The following PTPRN2 variants were observed in gnomAD, a reference collection of about 807,000 sequenced individuals.
The protein encoded by PTPRN2 is receptor-type tyrosine-protein phosphatase N2.
In PTPRN2, 74 loss-of-function variants were observed where a neutral mutation model predicts 118.8. The observed-to-expected ratio is 0.62, with a 90% CI of 0.52 to 0.76. The LOEUF (loss-of-function observed/expected upper bound fraction) is 0.76. Ranked by LOEUF, PTPRN2 falls within the 30% of genes least tolerant of loss-of-function variation. The pLI, the probability that PTPRN2 is intolerant of heterozygous loss-of-function variation, is 0.00. For missense variants in PTPRN2, 1,481 were observed against 1,394.4 expected, an observed-to-expected ratio of 1.06 and a Z score of -0.99; for synonymous variants, 641 against 608.0, an observed-to-expected ratio of 1.05 and a Z score of -0.80.
In PTPRN2 at chr7:158,093,420, C is replaced by T. The variant is rs987761594; in HGVS notation, c.1644-12043G>A. Among the ~76,000 whole-genome samples, 2 of 152,302 alleles carry T rather than the reference C, an allele frequency of 1.3e-5. No individual in the cohort carries two copies. Among genetic ancestry groups the T allele is most frequent in the Non-Finnish European group, 2.9e-5 (2 of 68,036 alleles). On this transcript the variant is annotated intron_variant, in intron 10 of 22. Transcript: ENST00000389418. The surrounding 1 kb of genome is among the most constrained non-coding windows in gnomAD (Gnocchi z 4.4). ...TTTCCTGACTCTGTCGCTGGACCGA[C>T]CCCCACACTGTTTGTGCTTTTACTC...
chr7:158,379,652 G>A (rs1202980616), intron 2 of PTPRN2, among the ~76,000 whole-genome samples: 1 of 152,184 alleles, frequency 6.6e-6, no homozygotes, highest in East Asian at 1.9e-4. Flanking sequence ...CACAGGTGGG[G>A]CGGGGTTCCT....
intron 12 of PTPRN2, among the ~76,000 whole-genome samples, chr7:157,708,156 G>T (rs10256738): frequency 6.6e-6 from 1 of 152,168 alleles, no homozygotes; most frequent in African/African-American, 2.4e-5. Flanking sequence ...GCTTTGCCTC[G>T]GATGGGCACC....
At chr7:158,397,796 T>G (rs930892271) in intron 2 of PTPRN2, among the ~76,000 whole-genome samples, 1 of 151,818 alleles carries the variant, frequency 6.6e-6, no homozygotes, top group Non-Finnish European at 1.5e-5. Flanking sequence ...AGTATAACAG[T>G]GAATAAAAAC....
chr7:158,133,622 T>G (rs1039176589), intron 9 of PTPRN2, 55 bp downstream of exon 9: 1 of 1,511,082 alleles, frequency 6.6e-7, no homozygotes, highest in Non-Finnish European at 8.8e-7. Context: ...ACCTCCAGCC[T>G]GCTGGGACAA....
intron 11 of PTPRN2, among the ~76,000 whole-genome samples, chr7:158,011,142 T>C (rs1459087352): frequency 1.3e-5 from 2 of 152,202 alleles, no homozygotes; most frequent in Non-Finnish European, 2.9e-5. Context: ...ATCTCTGCGG[T>C]GATTTTACCC....
At chr7:158,049,793 C>T in intron 11 of PTPRN2, among the ~76,000 whole-genome samples, 1 of 152,114 alleles carries the variant, frequency 6.6e-6, no homozygotes, top group African/African-American at 2.4e-5. Flanking sequence ...ATCCCAGCTA[C>T]TGGGGAGGCT....
intron 10 of PTPRN2, among the ~76,000 whole-genome samples, chr7:158,089,658 G>A (rs1460703584): frequency 6.9e-6 from 1 of 145,846 alleles, no homozygotes; most frequent in Non-Finnish European, 1.5e-5. Context: ...GATGAAAGGG[G>A]GAGTCTTCAC....
chr7:157,961,611 A>G (rs1007068014), intron 11 of PTPRN2, among the ~76,000 whole-genome samples: 1 of 152,162 alleles, frequency 6.6e-6, no homozygotes, highest in Non-Finnish European at 1.5e-5. Context: ...TCTAGTGCCC[A>G]AGAGACCTGT....
chr7:158,435,739 G>C (rs1450356057), intron 2 of PTPRN2, among the ~76,000 whole-genome samples: 5 of 152,166 alleles, frequency 3.3e-5, no homozygotes, highest in Admixed American at 1.3e-4. Flanking sequence ...ACATTACTCA[G>C]CCTTAAAAAA....
chr7:158,126,624 G>C (rs1405189553), intron 9 of PTPRN2, among the ~76,000 whole-genome samples: 1 of 110,842 alleles, frequency 9.0e-6, no homozygotes, highest in African/African-American at 4.1e-5. Flanking sequence ...CCAGCCCCCG[G>C]AGAGCGGGCG....
At chr7:158,143,936 C>T (rs993125579) in intron 6 of PTPRN2, among the ~76,000 whole-genome samples, 2 of 152,076 alleles carry the variant, frequency 1.3e-5, no homozygotes, top group Non-Finnish European at 2.9e-5. Flanking sequence ...GGCCACCGTC[C>T]CCCCCGCAGC....
chr7:157,942,883 C>G (rs1800236764), intron 11 of PTPRN2, among the ~76,000 whole-genome samples: 1 of 152,206 alleles, frequency 6.6e-6, no homozygotes, highest in Admixed American at 6.5e-5. Flanking sequence ...TAGCCTGAAT[C>G]ACTGTGGCCT....
intron 14 of PTPRN2, among the ~76,000 whole-genome samples, chr7:157,628,558 T>C (rs983932338): frequency 6.6e-6 from 1 of 152,176 alleles, no homozygotes; most frequent in Admixed American, 6.5e-5. Flanking sequence ...CACAGCTACT[T>C]TTTGGCGTGG....
intron 3 of PTPRN2, 122 bp from the exon 4 acceptor site, chr7:158,205,395 C>T: frequency 1.5e-6 from 1 of 669,776 alleles, no homozygotes; most frequent in Non-Finnish European, 2.7e-6. Flanking sequence ...CAAAGTAAGC[C>T]TCCCTCTCAC....
chr7:158,394,194 C>T (rs1192784351), intron 2 of PTPRN2, among the ~76,000 whole-genome samples: 1 of 151,586 alleles, frequency 6.6e-6, no homozygotes, highest in African/African-American at 2.4e-5. Flanking sequence ...CCCACGGATG[C>T]GTGGTTCCCC....
intron 12 of PTPRN2, among the ~76,000 whole-genome samples, chr7:157,696,968 CG>C: frequency 8.8e-6 from 1 of 114,128 alleles, no homozygotes; most frequent in Admixed American, 8.8e-5. Flanking sequence ...GAGCCCTCAC[CG>C]TCTACCCATG....
intron 7 of PTPRN2, among the ~76,000 whole-genome samples, chr7:158,137,008 G>A (rs185326314): frequency 5.5e-4 from 84 of 152,150 alleles, no homozygotes; most frequent in African/African-American, 1.8e-3. Flanking sequence ...CCATCGTACC[G>A]AGCAGTTCAC....
At chr7:158,430,935 C>G (rs528412722) in intron 2 of PTPRN2, among the ~76,000 whole-genome samples, 6 of 152,320 alleles carry the variant, frequency 3.9e-5, no homozygotes, top group African/African-American at 1.4e-4. Flanking sequence ...ACCGTGGAAC[C>G]AAAGCAGACA....
chr7:157,843,255 G>A (rs1311385426), intron 12 of PTPRN2, among the ~76,000 whole-genome samples: 1 of 152,130 alleles, frequency 6.6e-6, no homozygotes, highest in African/African-American at 2.4e-5. Flanking sequence ...TACACAAAAA[G>A]GTAACCTAAT....
Sources: gnomAD v4.1 joint callset for allele counts (sites outside exome capture counted in the v4.1 genomes callset) on GRCh38, gnomAD v4.1.1 for gene constraint, Gnocchi (gnomAD v3.1) non-coding constraint, MANE v1.5 for transcripts, NCBI Gene and HGNC (gene_info 2026-07-23, HGNC 2026-07-21) for gene names.